Variants in C6orf58 observed in about 807,000 individuals in gnomAD.
C6orf58 encodes the protein protein LEG1 homolog.
A neutral mutation model predicts 37.0 loss-of-function variants in C6orf58; 30 were observed. That is an observed-to-expected ratio of 0.81 (90% CI 0.61 to 1.10). The LOEUF is 1.10. Among genes scored for constraint, C6orf58 ranks in the 50% least tolerant of loss-of-function variants. C6orf58 has a pLI of 0.00. For synonymous variants in C6orf58, 143 were observed against 134.1 expected, an observed-to-expected ratio of 1.07 and a Z score of -0.46; for missense variants, 368 against 387.5, an observed-to-expected ratio of 0.95 and a Z score of 0.42.
chr6:127,583,310 A>G (rs930460605), intron 4 of C6orf58, among the ~76,000 whole-genome samples: 7 of 152,198 alleles, frequency 4.6e-5, no homozygotes, highest in Admixed American at 1.3e-4. Context: ...TTAACATGAC[A>G]TATGCAATAC....
chr6:127,588,680 A>G (rs1461509719), intron 4 of C6orf58, among the ~76,000 whole-genome samples: 2 of 152,184 alleles, frequency 1.3e-5, no homozygotes, highest in Non-Finnish European at 2.9e-5. Flanking sequence ...CCAACAAATC[A>G]TTCAACTGAT....
chr6:127,581,481 A>G lies in C6orf58; in HGVS notation c.674+199A>G, dbSNP rs139724533. Among the ~76,000 whole-genome samples the G allele has an allele frequency of 1.3e-3, 196 of 150,584 alleles. 3 individuals carry two copies. The highest frequency in any genetic ancestry group is 0.011 in the Admixed American group (172 of 15,188). ...AAAAGTGTTTTATGAAGAAGGGGAA[A>G]ATTTTGAGAAAAAAAAGCCTTGCAT... is the stretch of plus-strand genomic sequence containing the variant. On this transcript the variant is annotated intron_variant, in intron 4 of 5. Coordinates refer to ENST00000329722, the MANE Select transcript of C6orf58 (RefSeq NM_001010905.3).
chr6:127,588,648 A>C (rs1484221237), intron 4 of C6orf58, among the ~76,000 whole-genome samples: 1 of 152,180 alleles, frequency 6.6e-6, no homozygotes, highest in Non-Finnish European at 1.5e-5. Context: ...ACCACATTCT[A>C]TCTGATCATT....
chr6:127,578,139 A>G (rs1336548500), intron 1 of C6orf58, among the ~76,000 whole-genome samples: 1 of 152,124 alleles, frequency 6.6e-6, no homozygotes, highest in Non-Finnish European at 1.5e-5. Context: ...GGTTAAGAAA[A>G]GAGCAATTTC....
intron 4 of C6orf58, among the ~76,000 whole-genome samples, chr6:127,584,867 C>T (rs1420467322): frequency 6.6e-6 from 1 of 151,734 alleles, no homozygotes; most frequent in Non-Finnish European, 1.5e-5. Context: ...GGTAATTTGA[C>T]TTGAGTCAAC....
At chr6:127,583,786 G>A (rs745855304) in intron 4 of C6orf58, among the ~76,000 whole-genome samples, 12 of 152,116 alleles carry the variant, frequency 7.9e-5, no homozygotes, top group Non-Finnish European at 1.5e-4. Context: ...TCTTTTATCT[G>A]GTGAAAATAT....
Position 127,578,723 on chromosome 6 carries a change from C to T in C6orf58, c.339C>T (p.Gly113=), listed in dbSNP as rs750972489. 1.9e-6 allele frequency: 3 copies of T among 1,612,752 alleles called. No homozygotes were observed. The South Asian group carries it at 3.3e-5, about 18-fold the overall frequency. Residue 113 remains glycine (G), a synonymous_variant, in exon 2 of 6, where the codon GGC becomes GGT. Coordinates refer to ENST00000329722, the MANE Select transcript of C6orf58 (RefSeq NM_001010905.3). The part of the protein sequence containing the change: ...LADPTRRTNC[G]YESGDHMCIS... ...ATCCAACCCGAAGGACAAACTGTGG[C>T]TATGAATCTGGAGATCATATGTGCA... is the stretch of plus-strand genomic sequence containing the variant.
At position 127,578,612 on chromosome 6, in the gene C6orf58, T is replaced by C. The variant is rs62437083; in HGVS notation, c.302-74T>C. The C allele has an allele frequency of 6.9e-3, 6,466 of 941,012 alleles. 46 individuals are homozygous for C. Among genetic ancestry groups the C allele is most frequent in the Non-Finnish European group, 9.3e-3 (5,534 of 595,674 alleles). 58.3% of individuals were successfully genotyped at this position (941,012 alleles called of 1,614,324 possible). A position where few individuals can be genotyped will look rare whatever the true frequency, so the allele number is the denominator to read the frequency against. On this transcript the variant is annotated intron_variant, in intron 1 of 5. Transcript: ENST00000329722. ...CTTTTGTATCTACAAACAAAATCTA[T>C]GTGGTTAAGCAATAGTTACAGCCAG...
rs571451405 is a variant in C6orf58 at position 127,591,471 on chromosome 6, G to C, written c.914-72G>C. 101 of 1,291,680 alleles carry C rather than the reference G, an allele frequency of 7.8e-5. No individual in the cohort carries two copies. In the South Asian group the frequency reaches 1.4e-3, roughly 18 times the overall value. 80.0% of individuals were successfully genotyped at this position (1,291,680 alleles called of 1,614,324 possible). On this transcript the variant is annotated intron_variant, in intron 5 of 5. Coordinates refer to ENST00000329722, the MANE Select transcript of C6orf58 (RefSeq NM_001010905.3). ...GAAAGGAAATGAAATAAAATTATGA[G>C]CCATATATTGCCAAAAGGTACTTTA...
At chr6:127,577,510 T>C (rs1339965647) in intron 1 of C6orf58, 24 bp downstream of exon 1, 3 of 1,601,792 alleles carry the variant, frequency 1.9e-6, no homozygotes, top group Non-Finnish European at 1.7e-6. Flanking sequence ...TTGTTTTCAT[T>C]GTAATGATCT....
intron 2 of C6orf58, among the ~76,000 whole-genome samples, chr6:127,579,259 C>A (rs1251898214): frequency 1.3e-5 from 2 of 152,074 alleles, no homozygotes; most frequent in Non-Finnish European, 2.9e-5. Flanking sequence ...GCTAAAATAA[C>A]CAGAAGGTAT....
intron 1 of C6orf58, among the ~76,000 whole-genome samples, chr6:127,578,266 T>G (rs929205741): frequency 6.6e-6 from 1 of 152,130 alleles, no homozygotes; most frequent in African/African-American, 2.4e-5. Context: ...GTTAATATTA[T>G]TATCCCCATG....
At chr6:127,586,883 T>C (rs907424221) in intron 4 of C6orf58, among the ~76,000 whole-genome samples, 3 of 152,194 alleles carry the variant, frequency 2.0e-5, no homozygotes, top group Admixed American at 6.5e-5. Flanking sequence ...TTCTACCCTT[T>C]CCAGGGCAAG....
chr6:127,587,189 A>AT (rs1467989022), intron 4 of C6orf58, among the ~76,000 whole-genome samples: 1 of 151,872 alleles, frequency 6.6e-6, no homozygotes, highest in Non-Finnish European at 1.5e-5. Context: ...TTCTTGTGTC[A>AT]TTTTTATGGA....
chr6:127,588,100 A>C (rs898169312), intron 4 of C6orf58, among the ~76,000 whole-genome samples: 6 of 152,154 alleles, frequency 3.9e-5, no homozygotes, highest in Non-Finnish European at 7.4e-5. Flanking sequence ...ATGTTGGCTG[A>C]TTTTGATTGG....
At chr6:127,583,882 G>C (rs552650415) in intron 4 of C6orf58, among the ~76,000 whole-genome samples, 7 of 152,308 alleles carry the variant, frequency 4.6e-5, no homozygotes, top group African/African-American at 1.7e-4. Context: ...TTTATTATTA[G>C]AGACATAGTC....
chr6:127,586,649 C>T (rs928402231), intron 4 of C6orf58, among the ~76,000 whole-genome samples: 1 of 150,964 alleles, frequency 6.6e-6, no homozygotes, highest in Non-Finnish European at 1.5e-5. Context: ...CCAATAACTT[C>T]AAGTCTTTTC....
intron 5 of C6orf58, among the ~76,000 whole-genome samples, chr6:127,590,811 A>C (rs975970582): frequency 3.3e-5 from 5 of 152,104 alleles, no homozygotes; most frequent in Admixed American, 3.3e-4. Flanking sequence ...AGCCCTTCAA[A>C]TGCTGGATCT....
chr6:127,581,320 A>G, intron 4 of C6orf58, 38 bp downstream of exon 4: 1 of 937,682 alleles, frequency 1.1e-6, no homozygotes, highest in Admixed American at 2.6e-5. Flanking sequence ...ATTTAATATG[A>G]TAAATAATTT....
Sources: allele counts gnomAD v4.1 joint callset (sites outside exome capture counted in the v4.1 genomes callset), GRCh38; gene constraint gnomAD v4.1.1; transcripts MANE v1.5; gene names NCBI Gene and HGNC (gene_info 2026-07-23, HGNC 2026-07-21).